Variants in TFCP2 observed in about 807,000 individuals in gnomAD.
The protein encoded by TFCP2 is alpha-globin transcription factor CP2.
Under a neutral mutation model 73.4 loss-of-function variants are expected in TFCP2, and 33 were observed. The ratio of observed to expected loss-of-function variants is 0.45; its 90% CI spans 0.34 to 0.60. The LOEUF is 0.60. Ranked by LOEUF, TFCP2 falls within the 20% of genes least tolerant of loss-of-function variation. TFCP2 has a pLI of 0.01. For synonymous variants in TFCP2, 193 were observed against 211.6 expected (o/e 0.91, Z 0.76); for missense variants, 352 against 604.0 (o/e 0.58, Z 4.37).
chr12:51,097,734 T>TG (rs1940000224), intron 13 of TFCP2, among the ~76,000 whole-genome samples: 1 of 152,050 alleles, frequency 6.6e-6, no homozygotes, highest in South Asian at 2.1e-4. Context: ...TATGGTAAGA[T>TG]GGCCAGGCGT....
intron 3 of TFCP2, among the ~76,000 whole-genome samples, chr12:51,117,102 G>A (rs908346667): frequency 6.6e-6 from 1 of 151,992 alleles, no homozygotes; most frequent in Non-Finnish European, 1.5e-5. Flanking sequence ...CAACTCCCCC[G>A]CTTGCTAACC....
chr12:51,167,584 G>C (rs1354487923), intron 1 of TFCP2, among the ~76,000 whole-genome samples: 1 of 151,852 alleles, frequency 6.6e-6, no homozygotes, highest in Non-Finnish European at 1.5e-5. Context: ...GTAGAGACAG[G>C]GTTTTACCAT....
At chr12:51,117,643 G>C (rs1940562737) in intron 3 of TFCP2, 28 bp downstream of exon 3, 1 of 1,555,968 alleles carries the variant, frequency 6.4e-7, no homozygotes, top group African/African-American at 1.4e-5. Context: ...AAAAAATATT[G>C]TACAGAAGAA....
intron 1 of TFCP2, among the ~76,000 whole-genome samples, chr12:51,165,727 C>T (rs1941744535): frequency 6.6e-6 from 1 of 152,110 alleles, no homozygotes; most frequent in Non-Finnish European, 1.5e-5. Flanking sequence ...CTGATCTGGA[C>T]ATTTTTAAAG....
chr12:51,126,231 T>G (rs1592809751), intron 1 of TFCP2, among the ~76,000 whole-genome samples: 2 of 23,946 alleles, frequency 8.4e-5, no homozygotes, highest in Admixed American at 4.4e-4. Flanking sequence ...AGACTCTGTC[T>G]CAAAAAAAAA....
At chr12:51,166,404 A>G (rs1384010523) in intron 1 of TFCP2, among the ~76,000 whole-genome samples, 1 of 151,918 alleles carries the variant, frequency 6.6e-6, no homozygotes, top group Non-Finnish European at 1.5e-5. Flanking sequence ...CCTCAAAAGA[A>G]AAAAAAAGGA....
chr12:51,104,734 C>T (rs1194809298), intron 8 of TFCP2, among the ~76,000 whole-genome samples: 1 of 147,250 alleles, frequency 6.8e-6, no homozygotes, highest in Non-Finnish European at 1.5e-5. Context: ...TTTTTTGAGA[C>T]GGAGTCTCGC....
At chr12:51,126,465 T>C (rs879735168) in intron 1 of TFCP2, among the ~76,000 whole-genome samples, 10 of 152,090 alleles carry the variant, frequency 6.6e-5, no homozygotes, top group Non-Finnish European at 1.5e-4. Context: ...GAGGTATAAA[T>C]TACCCTTTTG....
chr12:51,143,809 C>A (rs1202984611), intron 1 of TFCP2, among the ~76,000 whole-genome samples: 1 of 152,060 alleles, frequency 6.6e-6, no homozygotes, highest in Non-Finnish European at 1.5e-5. Flanking sequence ...AGCTATTCAA[C>A]AGTCCAGGTA....
At position 51,155,303 on chromosome 12, in the gene TFCP2, G is replaced by A. The variant is rs572887557; in HGVS notation, c.122+16998C>T. On this transcript the variant is annotated intron_variant, in intron 1 of 14. Transcript: ENST00000257915. ...ATCCCTGGTTCTCTAGTTGCAGATG[G>A]CCTATCACAGCCTTCTTAGTTTCCA... Among the ~76,000 whole-genome samples, 11 of 152,250 alleles carry A rather than the reference G, an allele frequency of 7.2e-5. No individual in the cohort carries two copies. In the South Asian group the frequency reaches 1.9e-3, roughly 26 times the overall value.
At chr12:51,105,674 T>C (rs1940218445) in intron 8 of TFCP2, among the ~76,000 whole-genome samples, 1 of 152,220 alleles carries the variant, frequency 6.6e-6, no homozygotes, top group Admixed American at 6.5e-5. Flanking sequence ...AATTAACTTA[T>C]CTTAGGGCCC....
At position 51,110,992 on chromosome 12, in the gene TFCP2, C is replaced by G; in HGVS notation, c.458-9G>C. On this transcript the variant is annotated splice_polypyrimidine_tract_variant and intron_variant, in intron 4 of 14. Coordinates refer to ENST00000257915, the MANE Select transcript of TFCP2 (RefSeq NM_005653.5). ...CACAGACATCGGGATATCTGAGAAA[C>G]AAAATGGTAATCATTGAACAATTTT... 1 of 1,588,058 alleles carries G rather than the reference C, an allele frequency of 6.3e-7. No individual in the cohort carries two copies. Among genetic ancestry groups the G allele is most frequent in the Non-Finnish European group, 8.6e-7 (1 of 1,156,548 alleles).
At chr12:51,125,046 G>A (rs976934297) in intron 1 of TFCP2, 1 of 746,292 alleles carries the variant, frequency 1.3e-6, no homozygotes, top group South Asian at 1.4e-5. Flanking sequence ...GATCTCGGTC[G>A]TGATGTACGT....
chr12:51,098,391 CGAG>C (rs1354899595), intron 13 of TFCP2, among the ~76,000 whole-genome samples: 3 of 151,718 alleles, frequency 2.0e-5, no homozygotes, highest in Non-Finnish European at 4.4e-5. Flanking sequence ...TTTGGGAGGC[CGAG>C]GCGGGTGGAT....
rs150000285 is a variant in TFCP2 at position 51,147,696 on chromosome 12, G to C, written c.122+24605C>G. ...ACTTGAAACCATAAAAATTCTAGAAGATAACATTGGAAAAAACCCTTCTAG... is the reference window on the plus strand; with the variant it reads ...ACTTGAAACCATAAAAATTCTAGAACATAACATTGGAAAAAACCCTTCTAG... On this transcript the variant is annotated intron_variant, in intron 1 of 14. Transcript: ENST00000257915. 7.6e-3 allele frequency among the ~76,000 whole-genome samples: 1,160 copies of C among 152,166 alleles called. 10 individuals carry two copies. The highest frequency in any genetic ancestry group is 0.026 in the African/African-American group (1,082 of 41,526).
intron 1 of TFCP2, among the ~76,000 whole-genome samples, chr12:51,150,639 G>T (rs962895701): frequency 1.3e-5 from 2 of 152,068 alleles, no homozygotes; most frequent in Non-Finnish European, 2.9e-5. Flanking sequence ...ATGGACAGAT[G>T]ATAATTGAAG....
At chr12:51,121,023 C>A (rs1193084849) in intron 1 of TFCP2, among the ~76,000 whole-genome samples, 1 of 149,786 alleles carries the variant, frequency 6.7e-6, no homozygotes, top group Non-Finnish European at 1.5e-5. Context: ...TGAAATTTTC[C>A]ACAGTAAAGT....
At chr12:51,119,774 A>C (rs1221090460) in intron 1 of TFCP2, among the ~76,000 whole-genome samples, 1 of 152,030 alleles carries the variant, frequency 6.6e-6, no homozygotes, top group African/African-American at 2.4e-5. Flanking sequence ...TAATTAAAAA[A>C]ATTAAATTAA....
At chr12:51,119,060 C>A (rs1213791481) in intron 1 of TFCP2, among the ~76,000 whole-genome samples, 3 of 152,154 alleles carry the variant, frequency 2.0e-5, no homozygotes, top group Non-Finnish European at 4.4e-5. Context: ...AAACAGAGTT[C>A]TAAAATGTAT....
Sources: allele counts gnomAD v4.1 joint callset (sites outside exome capture counted in the v4.1 genomes callset), GRCh38; gene constraint gnomAD v4.1.1; transcripts MANE v1.5; gene names NCBI Gene and HGNC (gene_info 2026-07-23, HGNC 2026-07-21).